KBTBD13: variants seen among roughly 807,000 people sequenced by gnomAD.
KBTBD13 encodes kelch repeat and BTB domain containing 13, also known as kelch repeat and BTB domain-containing protein 13.
KBTBD13 carries 32 observed loss-of-function variants against 25.4 expected under a neutral mutation model. The observed-to-expected ratio is 1.26, with a 90% CI of 0.95 to 1.69. The LOEUF (loss-of-function observed/expected upper bound fraction) is 1.69. Among genes scored for constraint, KBTBD13 ranks in the 40% most tolerant of loss-of-function variants. KBTBD13 has a pLI of 0.00. For synonymous variants in KBTBD13, 436 were observed against 329.8 expected (o/e 1.32, Z -3.49); for missense variants, 898 against 679.5 (o/e 1.32, Z -3.57).
rs1228459718 is a variant in KBTBD13, at chr15:65,076,826, G to A, written c.11G>A (p.Gly4Asp). The change falls in exon 1 of 1, where the codon GGT becomes GAT. Residue 4 changes from glycine to aspartate, a missense_variant. Physicochemically the swap from Gly to Asp is moderately conservative, Grantham distance 94. Coordinates refer to ENST00000432196, the MANE Select transcript of KBTBD13 (RefSeq NM_001101362.3). MAR[G>D]PQTLVQVWVG... ...CCCGGCCAGCTCGCCATGGCACGGG[G>A]TCCACAGACCCTGGTGCAGGTGTGG... The A allele has an allele frequency of 7.8e-6, 12 of 1,538,658 alleles. No individual in the cohort carries two copies. Among genetic ancestry groups the A allele is most frequent in the Non-Finnish European group, 9.6e-6 (11 of 1,146,050 alleles).
rs770696732 is a variant in KBTBD13 at position 65,078,144 on chromosome 15, G to C, written c.1329G>C (p.Leu443=). 6.5e-7 allele frequency: 1 copy of C among 1,548,968 alleles called. No homozygotes were observed. The highest frequency in any genetic ancestry group is 8.7e-7 in the Non-Finnish European group (1 of 1,152,454). Residue 443 remains leucine, a synonymous_variant, in exon 1 of 1, where the codon CTG becomes CTC. Transcript: ENST00000432196. Reference sequence around the variant, plus strand: ...CCTTGCAGACCTTTCTCCTAAGGCTGCCTCCTGGCGCTCCTGGGCCTGTGA... The same window carrying C: ...CCTTGCAGACCTTTCTCCTAAGGCTCCCTCCTGGCGCTCCTGGGCCTGTGA... ...PGSLQTFLLR[L]PPGAPGPVTS...
In KBTBD13 at chr15:65,077,200, A is replaced by G; in HGVS notation, c.385A>G (p.Ile129Val). 14 of 1,458,544 alleles carry G rather than the reference A, an allele frequency of 9.6e-6. No homozygotes were observed. Among genetic ancestry groups the G allele is most frequent in the Non-Finnish European group, 1.3e-5 (14 of 1,107,198 alleles). The allele number at this position is 1,458,544 out of a possible 1,614,324, so 90.4% of individuals were successfully genotyped here. The change falls in exon 1 of 1, where the codon ATC becomes GTC. Residue 129 changes from isoleucine to valine, a missense_variant. By Grantham distance (29) the Ile-to-Val change is conservative. Coordinates refer to ENST00000432196, the MANE Select transcript of KBTBD13 (RefSeq NM_001101362.3). ...CGTGTTCCACAGTGCCGCGCTCTTC[A>G]TCTGCGACGGCGAGCGCGAGCTGGC... Reference protein sequence around the residue: ...RDVFHSAALFICDGERELAAE... With the variant: ...RDVFHSAALFVCDGERELAAE...
chr15:65,077,292 C>T lies in KBTBD13; in HGVS notation c.477C>T (p.Ala159=), dbSNP rs1052175397. The T allele has an allele frequency of 7.1e-6, 10 of 1,402,664 alleles. No individual in the cohort carries two copies. The highest frequency in any genetic ancestry group is 9.2e-6 in the Non-Finnish European group (10 of 1,084,152). The allele number at this position is 1,402,664 out of a possible 1,614,324, so 86.9% of individuals were successfully genotyped here. Residue 159 remains alanine (A), a synonymous_variant, in exon 1 of 1, where the codon GCC becomes GCT. Coordinates refer to ENST00000432196, the MANE Select transcript of KBTBD13 (RefSeq NM_001101362.3). ...CCCTGCGGCCCAGCAGCTACGCGGCCGTGAGCACGCACACGCCCGCGCCCG... is the reference window on the plus strand; with the variant it reads ...CCCTGCGGCCCAGCAGCTACGCGGCTGTGAGCACGCACACGCCCGCGCCCG... ...VAALRPSSYA[A]VSTHTPAPGF...
Position 65,077,058 on chromosome 15 carries a change from C to A in KBTBD13, c.243C>A (p.Ala81=), listed in dbSNP as rs536164662. Residue 81 remains alanine (A), a synonymous_variant, in exon 1 of 1, where the codon GCC becomes GCA. Coordinates refer to ENST00000432196, the MANE Select transcript of KBTBD13 (RefSeq NM_001101362.3). ...CGGCGGAGGACGAGCTGCTGCAGGC[C>A]GTGGAGTGCGCCGCCTTCCTCCAGG... ...ALAAEDELLQ[A]VECAAFLQAP... The A allele has an allele frequency of 6.6e-7, 1 of 1,511,976 alleles. No individual in the cohort carries two copies. Among genetic ancestry groups the A allele is most frequent in the Non-Finnish European group, 8.8e-7 (1 of 1,132,512 alleles). The allele number at this position is 1,511,976 out of a possible 1,614,324, so 93.7% of individuals were successfully genotyped here. A position where few individuals can be genotyped will look rare whatever the true frequency, so the allele number is the denominator to read the frequency against.
Position 65,077,190 on chromosome 15 carries a change from C to G in KBTBD13, c.375C>G (p.Ala125=), listed in dbSNP as rs540939027. 32 of 1,480,578 alleles carry G rather than the reference C, an allele frequency of 2.2e-5. No individual in the cohort carries two copies. In the South Asian group the frequency reaches 2.3e-4, roughly 11 times the overall value. 91.7% of individuals were successfully genotyped at this position (1,480,578 alleles called of 1,614,324 possible). A position where few individuals can be genotyped will look rare whatever the true frequency, so the allele number is the denominator to read the frequency against. ...AFGLRDVFHS[A]ALFICDGERE... is the part of the protein sequence containing the mutation. ...GCCTGCGCGACGTGTTCCACAGTGC[C>G]GCGCTCTTCATCTGCGACGGCGAGC... The change falls in exon 1 of 1, where the codon GCC becomes GCG. Residue 125 remains alanine (A), a synonymous_variant. Transcript: ENST00000432196.
Position 65,078,119 on chromosome 15 carries a change from C to T in KBTBD13, c.1304C>T (p.Ser435Phe), listed in dbSNP as rs756393871. The change falls in exon 1 of 1, where the codon TCC (serine) becomes TTC (phenylalanine). Residue 435 changes from serine (S) to phenylalanine (F), a missense_variant. Coordinates refer to ENST00000432196, the MANE Select transcript of KBTBD13 (RefSeq NM_001101362.3). The part of the protein sequence containing the change: ...REKAGFPRPG[S>F]LQTFLLRLPP... ...AAAGCCGGCTTCCCGCGGCCCGGCT[C>T]CTTGCAGACCTTTCTCCTAAGGCTG... 1.0e-5 allele frequency: 16 copies of T among 1,564,570 alleles called. No individual in the cohort carries two copies. The highest frequency in any genetic ancestry group is 1.4e-5 in the Non-Finnish European group (16 of 1,161,038).
At position 65,077,422 on chromosome 15, in the gene KBTBD13, G is replaced by A. The variant is rs944113571; in HGVS notation, c.607G>A (p.Gly203Arg). Residue 203 changes from glycine to arginine, a missense_variant, in exon 1 of 1, where the codon GGG becomes AGG. Transcript: ENST00000432196. ...CCTGGAGGCCAGCACGTTGCTGGCC[G>A]GGGTGGCCACGCTGGGCAACAAGCT... is the stretch of plus-strand genomic sequence containing the variant. Reference protein sequence around the residue: ...LPLEASTLLAGVATLGNKLYI... With the variant: ...LPLEASTLLARVATLGNKLYI... 4.6e-6 allele frequency: 7 copies of A among 1,527,670 alleles called. No homozygotes were observed. Among genetic ancestry groups the A allele is most frequent in the Non-Finnish European group, 6.1e-6 (7 of 1,142,086 alleles). 94.6% of individuals were successfully genotyped at this position (1,527,670 alleles called of 1,614,324 possible).
rs775442274 is a variant in KBTBD13 at position 65,076,936 on chromosome 15, C to T, written c.121C>T (p.Arg41Trp). 5.8e-6 allele frequency: 9 copies of T among 1,556,500 alleles called. No homozygotes were observed. Among genetic ancestry groups the T allele is most frequent in the South Asian group, 2.3e-5 (2 of 85,286 alleles). The change falls in exon 1 of 1, where the codon CGG becomes TGG. Residue 41 changes from arginine (R) to tryptophan (W), a missense_variant. Physicochemically the swap from Arg to Trp is moderately radical, Grantham distance 101. Transcript: ENST00000432196. ...FFRGLFRSGM[R>W]ETRAAEVRLG... ...CCGAGGCCTCTTCCGCTCCGGCATG[C>T]GGGAGACCCGCGCAGCAGAGGTGCG...
At position 65,078,151 on chromosome 15, in the gene KBTBD13, G is replaced by C. The variant is rs1414714881; in HGVS notation, c.1336G>C (p.Gly446Arg). Residue 446 changes from glycine to arginine, a missense_variant, in exon 1 of 1, where the codon GGC (glycine) becomes CGC (arginine). By Grantham distance (125) the Gly-to-Arg change is moderately radical. Coordinates refer to ENST00000432196, the MANE Select transcript of KBTBD13 (RefSeq NM_001101362.3). The stretch of plus-strand genomic sequence containing the variant: ...GACCTTTCTCCTAAGGCTGCCTCCT[G>C]GCGCTCCTGGGCCTGTGACTTCGAC... ...LQTFLLRLPP[G>R]APGPVTSTTA... is the part of the protein sequence containing the mutation. 6.5e-7 allele frequency: 1 copy of C among 1,545,988 alleles called. No homozygotes were observed. Among genetic ancestry groups the C allele is most frequent in the Non-Finnish European group, 8.7e-7 (1 of 1,150,844 alleles).
Position 65,079,240 on chromosome 15 carries a change from C to T in KBTBD13, c.*1048C>T, listed in dbSNP as rs2087016926. On this transcript the variant is annotated 3_prime_UTR_variant, in exon 1 of 1. Transcript: ENST00000432196. ...TTCCTCAGTTGTAGCCCCTCCTCCA[C>T]ATTCTACAGGTTTGTTCTCTTCCTG... Among the ~76,000 whole-genome samples, 1 of 152,216 alleles carries T rather than the reference C, an allele frequency of 6.6e-6. No individual in the cohort carries two copies. The highest frequency in any genetic ancestry group is 2.1e-4 in the South Asian group (1 of 4,836).
chr15:65,077,336 C>A lies in KBTBD13; in HGVS notation c.521C>A (p.Ser174Ter). The change falls in exon 1 of 1, where the codon TCG becomes TAG. Residue 174 changes from serine to a stop codon, truncating the protein, a stop_gained. Coordinates refer to ENST00000432196, the MANE Select transcript of KBTBD13 (RefSeq NM_001101362.3). LOFTEE classifies it high-confidence loss of function. Reference protein sequence around the residue: ...TPAPGFLEDASRTLCYLDEEE... With the variant: ...TPAPGFLEDA ...GCGCCCGGCTTCCTGGAGGACGCCTCGCGCACGCTGTGTTACCTGGACGAG... is the reference window on the plus strand; with the variant it reads ...GCGCCCGGCTTCCTGGAGGACGCCTAGCGCACGCTGTGTTACCTGGACGAG... 2 of 1,456,316 alleles carry A rather than the reference C, an allele frequency of 1.4e-6. No individual in the cohort carries two copies. Among genetic ancestry groups the A allele is most frequent in the Non-Finnish European group, 9.0e-7 (1 of 1,105,734 alleles). The allele number at this position is 1,456,316 out of a possible 1,614,324, so 90.2% of individuals were successfully genotyped here.
chr15:65,076,917 C>T lies in KBTBD13; in HGVS notation c.102C>T (p.Gly34=). 3 of 1,561,484 alleles carry T rather than the reference C, an allele frequency of 1.9e-6. No homozygotes were observed. The highest frequency in any genetic ancestry group is 2.6e-6 in the Non-Finnish European group (3 of 1,161,206). Residue 34 remains glycine, a synonymous_variant, in exon 1 of 1, where the codon GGC becomes GGT. Transcript: ENST00000432196. Reference sequence around the variant, plus strand: ...TGGAGCACTGTGGCTTCTTCCGAGGCCTCTTCCGCTCCGGCATGCGGGAGA... The same window carrying T: ...TGGAGCACTGTGGCTTCTTCCGAGGTCTCTTCCGCTCCGGCATGCGGGAGA... ...LLVEHCGFFR[G]LFRSGMRETR...
rs1381917006 is a variant in KBTBD13, at chr15:65,076,755, C to G, written c.-61C>G. 1.4e-6 allele frequency: 2 copies of G among 1,446,250 alleles called. No homozygotes were observed. Among genetic ancestry groups the G allele is most frequent in the Non-Finnish European group, 1.8e-6 (2 of 1,093,232 alleles). 89.6% of individuals were successfully genotyped at this position (1,446,250 alleles called of 1,614,324 possible). ...GGAAGTTTTTTGCTCCAGGGGAGCC[C>G]CAGAGTTGGTGGCTGGCTAACCCAA... On this transcript the variant is annotated 5_prime_UTR_variant, in exon 1 of 1. Coordinates refer to ENST00000432196, the MANE Select transcript of KBTBD13 (RefSeq NM_001101362.3).
Position 65,077,237 on chromosome 15 carries a change from C to T in KBTBD13, c.422C>T (p.Ala141Val), listed in dbSNP as rs1341273094. Residue 141 changes from alanine to valine, a missense_variant, in exon 1 of 1, where the codon GCG becomes GTG. Ala to Val is a moderately conservative substitution (Grantham distance 64). Coordinates refer to ENST00000432196, the MANE Select transcript of KBTBD13 (RefSeq NM_001101362.3). ...DGERELAAEL[A>V]LPEARAYVAA... ...GAGCGCGAGCTGGCGGCCGAACTGG[C>T]GCTGCCTGAGGCCCGCGCCTACGTG... 9 of 1,436,190 alleles carry T rather than the reference C, an allele frequency of 6.3e-6. No individual in the cohort carries two copies. The highest frequency in any genetic ancestry group is 2.8e-5 in the South Asian group (2 of 70,558). 89.0% of individuals were successfully genotyped at this position (1,436,190 alleles called of 1,614,324 possible).
rs928003856 is a variant in KBTBD13 at position 65,078,837 on chromosome 15, G to C, written c.*645G>C. The stretch of plus-strand genomic sequence containing the variant: ...AGTGTGCAAACTCTATGGAGGAGAT[G>C]AGCAGGATACCATTAGCTGCTGAAA... On this transcript the variant is annotated 3_prime_UTR_variant, in exon 1 of 1. Coordinates refer to ENST00000432196, the MANE Select transcript of KBTBD13 (RefSeq NM_001101362.3). 1.3e-5 allele frequency among the ~76,000 whole-genome samples: 2 copies of C among 152,246 alleles called. No individual in the cohort carries two copies. The highest frequency in any genetic ancestry group is 2.9e-5 in the Non-Finnish European group (2 of 68,052).
In KBTBD13 at chr15:65,077,123, C is replaced by T. The variant is rs1235549563; in HGVS notation, c.308C>T (p.Ser103Leu). The T allele has an allele frequency of 2.6e-6, 4 of 1,522,952 alleles. No individual in the cohort carries two copies. Among genetic ancestry groups the T allele is most frequent in the Non-Finnish European group, 3.5e-6 (4 of 1,139,772 alleles). The allele number at this position is 1,522,952 out of a possible 1,614,324, so 94.3% of individuals were successfully genotyped here. A position where few individuals can be genotyped will look rare whatever the true frequency, so the allele number is the denominator to read the frequency against. The change falls in exon 1 of 1, where the codon TCG (serine) becomes TTG (leucine). Residue 103 changes from serine (S) to leucine (L), a missense_variant. Ser to Leu is a moderately radical substitution (Grantham distance 145). Coordinates refer to ENST00000432196, the MANE Select transcript of KBTBD13 (RefSeq NM_001101362.3). The part of the protein sequence containing the change: ...LARFLEHNLT[S>L]DNCALLCDAA... ...CGCTTTCTGGAGCACAACCTCACGT[C>T]GGACAACTGCGCATTGCTGTGCGAC...
chr15:65,077,932 A>T lies in KBTBD13; in HGVS notation c.1117A>T (p.Asn373Tyr). 6.2e-7 allele frequency: 1 copy of T among 1,611,866 alleles called. No individual in the cohort carries two copies. Among genetic ancestry groups the T allele is most frequent in the Non-Finnish European group, 8.5e-7 (1 of 1,179,784 alleles). ...DFLHCAIDCL[N>Y]LATGQWTALP... Reference sequence around the variant, plus strand: ...CCTGCACTGCGCCATCGACTGTCTCAACCTGGCCACGGGCCAGTGGACGGC... The same window carrying T: ...CCTGCACTGCGCCATCGACTGTCTCTACCTGGCCACGGGCCAGTGGACGGC... The change falls in exon 1 of 1, where the codon AAC (asparagine) becomes TAC (tyrosine). Residue 373 changes from asparagine (N) to tyrosine (Y), a missense_variant. By Grantham distance (143) the Asn-to-Tyr change is moderately radical. Transcript: ENST00000432196.
Position 65,077,133 on chromosome 15 carries a change from C to T in KBTBD13, c.318C>T (p.Cys106=), listed in dbSNP as rs1217296620. Residue 106 remains cysteine, a synonymous_variant, in exon 1 of 1, where the codon TGC becomes TGT. Transcript: ENST00000432196. The part of the protein sequence containing the change: ...FLEHNLTSDN[C]ALLCDAAAAF... The stretch of plus-strand genomic sequence containing the variant: ...AGCACAACCTCACGTCGGACAACTG[C>T]GCATTGCTGTGCGACGCGGCCGCCG... 15 of 1,519,748 alleles carry T rather than the reference C, an allele frequency of 9.9e-6. No individual in the cohort carries two copies. Among genetic ancestry groups the T allele is most frequent in the Non-Finnish European group, 1.2e-5 (14 of 1,138,540 alleles). 94.1% of individuals were successfully genotyped at this position (1,519,748 alleles called of 1,614,324 possible).
At position 65,076,946 on chromosome 15, in the gene KBTBD13, G is replaced by A. The variant is rs765124692; in HGVS notation, c.131G>A (p.Arg44His). The A allele has an allele frequency of 1.3e-6, 2 of 1,554,356 alleles. No homozygotes were observed. Among genetic ancestry groups the A allele is most frequent in the Non-Finnish European group, 1.7e-6 (2 of 1,157,618 alleles). Reference protein sequence around the residue: ...GLFRSGMRETRAAEVRLGVLS... With the variant: ...GLFRSGMRETHAAEVRLGVLS... ...TTCCGCTCCGGCATGCGGGAGACCC[G>A]CGCAGCAGAGGTGCGCCTGGGCGTT... is the stretch of plus-strand genomic sequence containing the variant. The change falls in exon 1 of 1, where the codon CGC becomes CAC. Residue 44 changes from arginine to histidine, a missense_variant. Arg to His is a conservative substitution (Grantham distance 29, BLOSUM62 0). Transcript: ENST00000432196.
Sources: allele counts gnomAD v4.1 joint callset (sites outside exome capture counted in the v4.1 genomes callset), GRCh38; gene constraint gnomAD v4.1.1; transcripts MANE v1.5; gene names NCBI Gene and HGNC (gene_info 2026-07-23, HGNC 2026-07-21).